The following ARL8A variants were observed in gnomAD, a reference collection of about 807,000 sequenced individuals.
The protein encoded by ARL8A is ARF like GTPase 8A.
A neutral mutation model predicts 31.2 loss-of-function variants in ARL8A; 10 were observed. The observed-to-expected ratio is 0.32, with a 90% confidence interval of 0.20 to 0.54. ARL8A has a LOEUF of 0.54. ARL8A is among the 20% of genes least tolerant of loss of function. The pLI is 0.93. For synonymous variants in ARL8A, 70 were observed against 86.9 expected (o/e 0.81, Z 1.08); for missense variants, 129 against 242.8 (o/e 0.53, Z 3.12).
intron 3 of ARL8A, among the ~76,000 whole-genome samples, chr1:202,137,401 G>A (rs1655040118): frequency 2.6e-5 from 4 of 152,126 alleles, no homozygotes; most frequent in African/African-American, 4.8e-5. Flanking sequence ...GCCGAGGCAG[G>A]CAGATCACCT....
chr1:202,137,838 G>A, intron 3 of ARL8A, 127 bp downstream of exon 3: 1 of 1,031,386 alleles, frequency 9.7e-7, no homozygotes. Context: ...GCAGGCCCTG[G>A]ACCGACACTG....
Position 202,140,169 on chromosome 1 carries a change from G to A in ARL8A, c.124-1721C>T, listed in dbSNP as rs941667329. Among the ~76,000 whole-genome samples, 106 of 149,602 alleles carry A rather than the reference G, an allele frequency of 7.1e-4. 1 individual carries two copies. Among genetic ancestry groups the A allele is most frequent in the African/African-American group, 2.5e-3 (103 of 40,622 alleles). ...TTTTGAGACGGAGTCTCACTCTCTCGCCCAGGCAGGAGTGCAGTGGTGTGA... is the reference window on the plus strand; with the variant it reads ...TTTTGAGACGGAGTCTCACTCTCTCACCCAGGCAGGAGTGCAGTGGTGTGA... On this transcript the variant is annotated intron_variant, in intron 1 of 6. Transcript: ENST00000272217.
chr1:202,138,347 C>G lies in ARL8A; in HGVS notation c.204+21G>C. The stretch of plus-strand genomic sequence containing the variant: ...CACACAAAAACAGTCCTCTGCACCC[C>G]CCAAGCTTCTGGGCCCTCACCTTGA... On this transcript the variant is annotated intron_variant, in intron 2 of 6. Coordinates refer to ENST00000272217, the MANE Select transcript of ARL8A (RefSeq NM_138795.4). The surrounding 1 kb of genome is among the most constrained non-coding windows in gnomAD (Gnocchi z 4.4). 1 of 1,606,002 alleles carries G rather than the reference C, an allele frequency of 6.2e-7. No homozygotes were observed. Among genetic ancestry groups the G allele is most frequent in the South Asian group, 1.1e-5 (1 of 90,938 alleles).
Position 202,144,676 on chromosome 1 carries a change from G to A in ARL8A, c.-104C>T. 9.5e-7 allele frequency: 1 copy of A among 1,055,794 alleles called. No homozygotes were observed. The highest frequency in any genetic ancestry group is 1.1e-6 in the Non-Finnish European group (1 of 874,648). The allele number at this position is 1,055,794 out of a possible 1,614,324, so 65.4% of individuals were successfully genotyped here. A position where few individuals can be genotyped will look rare whatever the true frequency, so the allele number is the denominator to read the frequency against. On this transcript the variant is annotated 5_prime_UTR_variant, in exon 1 of 7. Coordinates refer to ENST00000272217, the MANE Select transcript of ARL8A (RefSeq NM_138795.4). The surrounding 1 kb of genome is among the most constrained non-coding windows in gnomAD (Gnocchi z 5.2). Reference sequence around the variant, plus strand: ...CTCCCCGGTACGGCCCGGGTCCCGCGGCTCGGTGCGGGCGGAGGCTCGAGC... The same window carrying A: ...CTCCCCGGTACGGCCCGGGTCCCGCAGCTCGGTGCGGGCGGAGGCTCGAGC...
At chr1:202,136,252 C>A (rs1655002951) in intron 3 of ARL8A, among the ~76,000 whole-genome samples, 1 of 151,850 alleles carries the variant, frequency 6.6e-6, no homozygotes. Flanking sequence ...ATTGTTTGGG[C>A]ATATATATAT....
In ARL8A at chr1:202,135,102, A is replaced by G. The variant is rs770947629; in HGVS notation, c.511+48T>C. 3.7e-5 allele frequency: 57 copies of G among 1,555,510 alleles called. No individual in the cohort carries two copies. Among genetic ancestry groups the G allele is most frequent in the Non-Finnish European group, 5.0e-5 (56 of 1,127,094 alleles). ...GCGAGAACCTGAGAGCCACTAAAAC[A>G]CTCAGAAATGCCTCTCCCCTCTCCT... On this transcript the variant is annotated intron_variant, in intron 6 of 6. Transcript: ENST00000272217. This position sits in a 1 kb window ranked among gnomAD's most constrained non-coding sequence, Gnocchi z 5.3.
In ARL8A at chr1:202,138,631, T is replaced by C. The variant is rs1479559676; in HGVS notation, c.124-183A>G. On this transcript the variant is annotated intron_variant, in intron 1 of 6. Transcript: ENST00000272217. This position sits in a 1 kb window ranked among gnomAD's most constrained non-coding sequence, Gnocchi z 4.4. ...CTATCACCAACCTATGTGTCCCGCC[T>C]ACACCTGGGGATGCCCTGTGAAAAG... Among the ~76,000 whole-genome samples the C allele has an allele frequency of 3.9e-5, 6 of 152,196 alleles. No homozygotes were observed. Among genetic ancestry groups the C allele is most frequent in the Non-Finnish European group, 5.9e-5 (4 of 68,032 alleles).
chr1:202,135,013 G>C lies in ARL8A; in HGVS notation c.511+137C>G. The stretch of plus-strand genomic sequence containing the variant: ...AAGCTGGGATAGTGCCCAGAATCTG[G>C]GCCACCTGGCTGCCTTTTCTACCCA... On this transcript the variant is annotated intron_variant, in intron 6 of 6. Coordinates refer to ENST00000272217, the MANE Select transcript of ARL8A (RefSeq NM_138795.4). This position sits in a 1 kb window ranked among gnomAD's most constrained non-coding sequence, Gnocchi z 5.3. 1 of 802,590 alleles carries C rather than the reference G, an allele frequency of 1.2e-6. No individual in the cohort carries two copies. The highest frequency in any genetic ancestry group is 2.0e-6 in the Non-Finnish European group (1 of 489,772). The allele number at this position is 802,590 out of a possible 1,614,324, so 49.7% of individuals were successfully genotyped here.
At chr1:202,136,581 T>A (rs958079530) in intron 3 of ARL8A, among the ~76,000 whole-genome samples, 1 of 151,996 alleles carries the variant, frequency 6.6e-6, no homozygotes, top group Non-Finnish European at 1.5e-5. Flanking sequence ...ATCCAGCCTA[T>A]TATTTTCTGA....
At position 202,138,477 on chromosome 1, in the gene ARL8A, G is replaced by A. The variant is rs765771003; in HGVS notation, c.124-29C>T. ...GAAAGAAGACTCAGAATGGGAAACA[G>A]TGCAAAAATCGATATGCCCCCACCG... On this transcript the variant is annotated intron_variant, in intron 1 of 6. Coordinates refer to ENST00000272217, the MANE Select transcript of ARL8A (RefSeq NM_138795.4). The surrounding 1 kb of genome is among the most constrained non-coding windows in gnomAD (Gnocchi z 4.4). 2 of 1,605,876 alleles carry A rather than the reference G, an allele frequency of 1.2e-6. No individual in the cohort carries two copies. Among genetic ancestry groups the A allele is most frequent in the Non-Finnish European group, 8.5e-7 (1 of 1,172,660 alleles).
At chr1:202,137,488 G>A (rs866487933) in intron 3 of ARL8A, among the ~76,000 whole-genome samples, 2 of 152,262 alleles carry the variant, frequency 1.3e-5, no homozygotes, top group Admixed American at 6.5e-5. Context: ...GTGGCCAGGC[G>A]TGGTAGCGCA....
chr1:202,135,070 T>G lies in ARL8A; in HGVS notation c.511+80A>C, dbSNP rs903079920. 3 of 1,409,944 alleles carry G rather than the reference T, an allele frequency of 2.1e-6. No homozygotes were observed. Among genetic ancestry groups the G allele is most frequent in the Non-Finnish European group, 3.0e-6 (3 of 999,588 alleles). 87.3% of individuals were successfully genotyped at this position (1,409,944 alleles called of 1,614,324 possible). A position where few individuals can be genotyped will look rare whatever the true frequency, so the allele number is the denominator to read the frequency against. On this transcript the variant is annotated intron_variant, in intron 6 of 6. Transcript: ENST00000272217. This position sits in a 1 kb window ranked among gnomAD's most constrained non-coding sequence, Gnocchi z 5.3. ...ACAGGGCTTTGGACTTCAGGGAAAG[T>G]TGTGGAGCGAGAACCTGAGAGCCAC...
chr1:202,137,385 TG>T (rs1344537022), intron 3 of ARL8A, among the ~76,000 whole-genome samples: 2 of 151,998 alleles, frequency 1.3e-5, no homozygotes, highest in African/African-American at 2.4e-5. Flanking sequence ...GCATGTAATT[TG>T]GGAGGCCGAG....
Position 202,135,329 on chromosome 1 carries a change from G to A in ARL8A, c.441-109C>T, listed in dbSNP as rs1478326360. 2.1e-6 allele frequency: 3 copies of A among 1,444,702 alleles called. No individual in the cohort carries two copies. In the African/African-American group the frequency reaches 4.2e-5, roughly 20 times the overall value. The allele number at this position is 1,444,702 out of a possible 1,614,324, so 89.5% of individuals were successfully genotyped here. A position where few individuals can be genotyped will look rare whatever the true frequency, so the allele number is the denominator to read the frequency against. ...CCTAAGAGGCTACAAAGGGGAGGGT[G>A]AGGTGCCTGAAAAGGTCGGCTCTGC... On this transcript the variant is annotated intron_variant, in intron 5 of 6. Coordinates refer to ENST00000272217, the MANE Select transcript of ARL8A (RefSeq NM_138795.4). This position sits in a 1 kb window ranked among gnomAD's most constrained non-coding sequence, Gnocchi z 5.3.
Position 202,134,360 on chromosome 1 carries a change from A to T in ARL8A, c.*107T>A. On this transcript the variant is annotated 3_prime_UTR_variant, in exon 7 of 7. Transcript: ENST00000272217. The surrounding 1 kb of genome is among the most constrained non-coding windows in gnomAD (Gnocchi z 4.2). ...GGGGTCCCCAGAGGGCCCTCCTCAC[A>T]CTGGGTGAGGAGGGGTGGGCTTAGG... The T allele has an allele frequency of 8.9e-7, 1 of 1,129,886 alleles. No individual in the cohort carries two copies. Among genetic ancestry groups the T allele is most frequent in the East Asian group, 2.5e-5 (1 of 40,812 alleles). 70.0% of individuals were successfully genotyped at this position (1,129,886 alleles called of 1,614,324 possible). A position where few individuals can be genotyped will look rare whatever the true frequency, so the allele number is the denominator to read the frequency against.
At position 202,135,688 on chromosome 1, in the gene ARL8A, C is replaced by T; in HGVS notation, c.372+19G>A. The T allele has an allele frequency of 1.2e-6, 2 of 1,610,544 alleles. No homozygotes were observed. The highest frequency in any genetic ancestry group is 1.7e-6 in the Non-Finnish European group (2 of 1,176,822). On this transcript the variant is annotated intron_variant, in intron 4 of 6. Transcript: ENST00000272217. The surrounding 1 kb of genome is among the most constrained non-coding windows in gnomAD (Gnocchi z 5.3). ...CCAGCCGAGCTCCCTCCCCATCCCG[C>T]TCCCTCAGGTCTGCTGACCGGGATG...
Position 202,135,531 on chromosome 1 carries a change from G to A in ARL8A, c.373-5C>T, listed in dbSNP as rs750377376. 3 of 1,613,968 alleles carry A rather than the reference G, an allele frequency of 1.9e-6. No homozygotes were observed. Among genetic ancestry groups the A allele is most frequent in the Admixed American group, 1.7e-5 (1 of 60,014 alleles). ...CTTGTTACCCAGGACTAAGACCTAC[G>A]GAGAAGGGAGGGTGAGGATGAGGTC... On this transcript the variant is annotated splice_region_variant and splice_polypyrimidine_tract_variant and intron_variant, in intron 4 of 6. Coordinates refer to ENST00000272217, the MANE Select transcript of ARL8A (RefSeq NM_138795.4). The surrounding 1 kb of genome is among the most constrained non-coding windows in gnomAD (Gnocchi z 5.3).
Position 202,138,323 on chromosome 1 carries a change from A to G in ARL8A, c.204+45T>C. 1 of 1,554,982 alleles carries G rather than the reference A, an allele frequency of 6.4e-7. No individual in the cohort carries two copies. Among genetic ancestry groups the G allele is most frequent in the Non-Finnish European group, 8.9e-7 (1 of 1,128,636 alleles). On this transcript the variant is annotated intron_variant, in intron 2 of 6. Coordinates refer to ENST00000272217, the MANE Select transcript of ARL8A (RefSeq NM_138795.4). This position sits in a 1 kb window ranked among gnomAD's most constrained non-coding sequence, Gnocchi z 4.4. ...CACACACACACACACACACACACAC[A>G]CACAAAAACAGTCCTCTGCACCCCC...
At chr1:202,141,869 C>CT (rs201744664) in intron 1 of ARL8A, among the ~76,000 whole-genome samples, 31 of 147,036 alleles carry the variant, frequency 2.1e-4, no homozygotes, top group African/African-American at 3.5e-4. Flanking sequence ...TTTTAGGTTC[C>CT]TTTTTTTTTT....
Sources: gnomAD v4.1 joint callset for allele counts (sites outside exome capture counted in the v4.1 genomes callset) on GRCh38, gnomAD v4.1.1 for gene constraint, Gnocchi (gnomAD v3.1) non-coding constraint, MANE v1.5 for transcripts, NCBI Gene and HGNC (gene_info 2026-07-23, HGNC 2026-07-21) for gene names.